SMG5: variants seen among roughly 807,000 people sequenced by gnomAD.
The protein encoded by SMG5 is SMG5 nonsense mediated mRNA decay factor.
A neutral mutation model predicts 122.9 loss-of-function variants in SMG5; 53 were observed. The ratio of observed to expected loss-of-function variants is 0.43; its 90% CI spans 0.35 to 0.54. SMG5 has a LOEUF of 0.54. Ranked by LOEUF, SMG5 falls within the 20% of genes least tolerant of loss-of-function variation. The probability of loss-of-function intolerance (pLI) is 0.01; values close to 1 mark genes in which losing one functional copy is unlikely to be tolerated. For synonymous variants in SMG5, 477 were observed against 490.2 expected (o/e 0.97, Z 0.35); for missense variants, 1,153 against 1,285.6 (o/e 0.90, Z 1.58).
chr1:156,272,309 C>T lies in SMG5; in HGVS notation c.713+11G>A, dbSNP rs1662472841. The T allele has an allele frequency of 1.3e-6, 2 of 1,584,732 alleles. No homozygotes were observed. Among genetic ancestry groups the T allele is most frequent in the African/African-American group, 1.3e-5 (1 of 74,368 alleles). On this transcript the variant is annotated intron_variant, in intron 7 of 21. Coordinates refer to ENST00000361813, the MANE Select transcript of SMG5 (RefSeq NM_015327.3). ...AAAGCAGGGCTGGAAAAAGAGCTGG[C>T]AAATACTCACCAGCGCAGGTAGCAA...
intron 12 of SMG5, among the ~76,000 whole-genome samples, chr1:156,264,834 T>C (rs964278211): frequency 6.6e-6 from 1 of 152,106 alleles, no homozygotes; most frequent in African/African-American, 2.4e-5. Context: ...GAGACCAGCC[T>C]GGCCAACATG....
intron 11 of SMG5, 62 bp downstream of exon 11, chr1:156,266,479 T>C (rs1662150808): frequency 1.2e-6 from 2 of 1,610,626 alleles, no homozygotes; most frequent in South Asian, 1.1e-5. Flanking sequence ...CTGTGTTCCT[T>C]TCCTTCATCC....
At chr1:156,281,247 C>G (rs2101577429) in intron 1 of SMG5, among the ~76,000 whole-genome samples, 1 of 152,356 alleles carries the variant, frequency 6.6e-6, no homozygotes, top group South Asian at 2.1e-4. Context: ...GCAAACACAT[C>G]AGCTTAGGTT....
At chr1:156,272,517 A>G (rs1438350663) in intron 6 of SMG5, 119 bp from the exon 7 acceptor site, 1 of 742,920 alleles carries the variant, frequency 1.3e-6, no homozygotes, top group East Asian at 2.7e-5. Context: ...TGCAGGCAAC[A>G]CTGGTTGTCT....
chr1:156,259,165 T>G lies in SMG5; in HGVS notation c.2284-2A>C. 2 of 1,565,928 alleles carry G rather than the reference T, an allele frequency of 1.3e-6. No homozygotes were observed. Among genetic ancestry groups the G allele is most frequent in the Non-Finnish European group, 1.7e-6 (2 of 1,155,874 alleles). On this transcript the variant is annotated splice_acceptor_variant, in intron 15 of 21. Transcript: ENST00000361813. LOFTEE classifies it high-confidence loss of function. ...GATGCAGCAGATGCGCACCACTGAC[T>G]GTGGGGAGATACAGGAGCCCAGCGC...
At chr1:156,271,828 G>A (rs1366109776) in intron 7 of SMG5, among the ~76,000 whole-genome samples, 2 of 152,028 alleles carry the variant, frequency 1.3e-5, no homozygotes, top group African/African-American at 4.8e-5. Context: ...CCGAACCTCA[G>A]GTGATCTGCC....
chr1:156,267,419 G>A, intron 10 of SMG5, 51 bp downstream of exon 10: 3 of 1,565,066 alleles, frequency 1.9e-6, no homozygotes, highest in Non-Finnish European at 1.8e-6. Context: ...AAAGGGGAGT[G>A]AGGATCCCCA....
chr1:156,267,400 A>C lies in SMG5; in HGVS notation c.1117+70T>G, dbSNP rs1479516802. 3 of 1,463,350 alleles carry C rather than the reference A, an allele frequency of 2.1e-6. No homozygotes were observed. In the East Asian group the frequency reaches 6.8e-5, roughly 33 times the overall value. The allele number at this position is 1,463,350 out of a possible 1,614,324, so 90.6% of individuals were successfully genotyped here. A position where few individuals can be genotyped will look rare whatever the true frequency, so the allele number is the denominator to read the frequency against. ...TGTGGAAGGAAGTTTATGAATAAGGAGCTGCAGAAAAGGGGAGTGAGGATC... is the reference window on the plus strand; with the variant it reads ...TGTGGAAGGAAGTTTATGAATAAGGCGCTGCAGAAAAGGGGAGTGAGGATC... On this transcript the variant is annotated intron_variant, in intron 10 of 21. Coordinates refer to ENST00000361813, the MANE Select transcript of SMG5 (RefSeq NM_015327.3).
intron 13 of SMG5, 93 bp from the exon 14 acceptor site, chr1:156,261,501 C>T (rs1572579426): frequency 3.8e-6 from 4 of 1,056,820 alleles, no homozygotes; most frequent in Middle Eastern, 2.0e-4. Flanking sequence ...GGGATCTGGC[C>T]TATGTTCAGA....
Position 156,250,237 on chromosome 1 carries a change from T to C in SMG5, c.*350A>G, listed in dbSNP as rs1661284425. 2.7e-6 allele frequency: 1 copy of C among 370,364 alleles called. No homozygotes were observed. The highest frequency in any genetic ancestry group is 4.0e-5 in the Admixed American group (1 of 24,982). 22.9% of individuals were successfully genotyped at this position (370,364 alleles called of 1,614,324 possible). A position where few individuals can be genotyped will look rare whatever the true frequency, so the allele number is the denominator to read the frequency against. On this transcript the variant is annotated 3_prime_UTR_variant, in exon 22 of 22. Transcript: ENST00000361813. ...GAGGAAGAAGGGCCTCTTTTGCTGT[T>C]CCTTCCCCTCAGAGATCCAAGAACC...
rs554836370 is a variant in SMG5, at chr1:156,276,409, G to A, written c.454+676C>T. ...CTCAAAGTGCTGGGATTACAGGCAT[G>A]AGCCACCGTGCCCGGTCTAGATGTT... On this transcript the variant is annotated intron_variant, in intron 4 of 21. Transcript: ENST00000361813. Among the ~76,000 whole-genome samples the A allele has an allele frequency of 8.2e-4, 125 of 152,340 alleles. 1 individual carries two copies. The highest frequency in any genetic ancestry group is 1.1e-3 in the Non-Finnish European group (74 of 68,030).
intron 17 of SMG5, 114 bp downstream of exon 17, chr1:156,253,335 G>T: frequency 8.8e-7 from 1 of 1,130,306 alleles, no homozygotes; most frequent in Non-Finnish European, 1.3e-6. Context: ...AGAGGCGGAG[G>T]GACACAGAGG....
intron 1 of SMG5, among the ~76,000 whole-genome samples, chr1:156,281,858 G>A (rs545411865): frequency 2.5e-4 from 38 of 152,166 alleles, no homozygotes; most frequent in Admixed American, 6.5e-4. Flanking sequence ...AGGGCTGAAG[G>A]GCTGAAGATG....
At chr1:156,263,244 A>G in intron 13 of SMG5, 151 bp downstream of exon 13, 1 of 870,624 alleles carries the variant, frequency 1.1e-6, no homozygotes, top group Non-Finnish European at 1.8e-6. Flanking sequence ...CTTCCCTGTC[A>G]GAGCATAAGG....
the SMG5 span, among the ~76,000 whole-genome samples, chr1:156,288,576 A>G: frequency 6.6e-6 from 1 of 151,992 alleles, no homozygotes; most frequent in Non-Finnish European, 1.5e-5. Context: ...GACCTCAGAT[A>G]ATCCACCCAT....
intron 7 of SMG5, among the ~76,000 whole-genome samples, chr1:156,270,960 T>TTG (rs1479151933): frequency 4.0e-5 from 6 of 150,592 alleles, no homozygotes; most frequent in African/African-American, 1.5e-4. Context: ...TGAGCCGAGA[T>TTG]CATGCCATTG....
intron 2 of SMG5, 45 bp downstream of exon 2, chr1:156,278,891 G>T: frequency 6.6e-7 from 1 of 1,505,310 alleles, no homozygotes; most frequent in Non-Finnish European, 9.2e-7. Flanking sequence ...GGTAGAGATA[G>T]GCAGGGAAAC....
chr1:156,258,367 G>T (rs1434530025), intron 16 of SMG5, among the ~76,000 whole-genome samples: 2 of 152,240 alleles, frequency 1.3e-5, no homozygotes, highest in Non-Finnish European at 2.9e-5. Flanking sequence ...GATTCTGTTT[G>T]TTCCCACATA....
intron 16 of SMG5, among the ~76,000 whole-genome samples, chr1:156,254,695 T>C (rs973844388): frequency 2.6e-5 from 4 of 152,152 alleles, no homozygotes; most frequent in African/African-American, 9.6e-5. Flanking sequence ...TCTGCCCGCC[T>C]TGGCCTCCCA....
Sources: allele counts gnomAD v4.1 joint callset (sites outside exome capture counted in the v4.1 genomes callset), GRCh38; gene constraint gnomAD v4.1.1; transcripts MANE v1.5; gene names NCBI Gene and HGNC (gene_info 2026-07-23, HGNC 2026-07-21).